The following KMT2E variants were observed in gnomAD, a reference collection of about 807,000 sequenced individuals.
KMT2E encodes lysine methyltransferase 2E (inactive), also known as histone reader KMT2E.
In KMT2E, 30 loss-of-function variants were observed where a neutral mutation model predicts 184.6. That is an observed-to-expected ratio of 0.16 (90% CI 0.12 to 0.22). KMT2E has a LOEUF of 0.22. KMT2E is among the 10% of genes least tolerant of loss of function. The probability of loss-of-function intolerance (pLI) is 1.00; values close to 1 mark genes in which losing one functional copy is unlikely to be tolerated. For missense variants in KMT2E, 2,023 were observed against 2,237.4 expected (o/e 0.90, Z 1.93); for synonymous variants, 815 against 776.5 (o/e 1.05, Z -0.82).
chr7:105,042,453 T>G (rs146104924), intron 3 of KMT2E, among the ~76,000 whole-genome samples: 1 of 152,364 alleles, frequency 6.6e-6, no homozygotes, highest in East Asian at 1.9e-4. Context: ...CTTTGAGCAA[T>G]GTGTTTTATA....
chr7:105,019,427 C>A (rs1794853913), intron 1 of KMT2E, among the ~76,000 whole-genome samples: 1 of 152,094 alleles, frequency 6.6e-6, no homozygotes. Flanking sequence ...TGGTTATTTA[C>A]CAAAACTATT....
intron 3 of KMT2E, among the ~76,000 whole-genome samples, chr7:105,047,684 T>C (rs1796164518): frequency 6.6e-6 from 1 of 152,270 alleles, no homozygotes; most frequent in African/African-American, 2.4e-5. Flanking sequence ...CTAACTTCCC[T>C]GAAGTCACGG....
intron 1 of KMT2E, among the ~76,000 whole-genome samples, chr7:105,025,093 C>T (rs1281245412): frequency 6.6e-6 from 1 of 152,042 alleles, no homozygotes; most frequent in Non-Finnish European, 1.5e-5. Context: ...GGCTTATTTA[C>T]CTCCAATTCT....
rs1797509534 is a variant in KMT2E, at chr7:105,075,960, A to C, written c.730-83A>C. 4 of 1,100,626 alleles carry C rather than the reference A, an allele frequency of 3.6e-6. 1 individual carries two copies. The South Asian group carries it at 5.5e-5, about 15-fold the overall frequency. The allele number at this position is 1,100,626 out of a possible 1,614,324, so 68.2% of individuals were successfully genotyped here. On this transcript the variant is annotated intron_variant, in intron 8 of 26. Coordinates refer to ENST00000311117, the MANE Select transcript of KMT2E (RefSeq NM_182931.3). ...TTTTTGTTATGACACTTCAGTTAAA[A>C]GTTTCAATGAACCAATTAATTCTTA...
chr7:105,073,490 GGGATTTT>G, intron 6 of KMT2E, 122 bp from the exon 7 acceptor site: 1 of 590,522 alleles, frequency 1.7e-6, no homozygotes. Flanking sequence ...TGTATTGCAA[GGGATTTT>G]GTATATATTT....
At chr7:105,035,619 G>C (rs987209313) in intron 1 of KMT2E, among the ~76,000 whole-genome samples, 3 of 151,634 alleles carry the variant, frequency 2.0e-5, no homozygotes, top group African/African-American at 7.3e-5. Flanking sequence ...TTTATTTTGA[G>C]ACAGAGAGTT....
intron 3 of KMT2E, among the ~76,000 whole-genome samples, chr7:105,058,882 A>G (rs1796680662): frequency 6.6e-6 from 1 of 152,174 alleles, no homozygotes; most frequent in Non-Finnish European, 1.5e-5. Flanking sequence ...TTTTGGATTC[A>G]GTGATTTTAG....
At chr7:105,043,217 A>G (rs562422261) in intron 3 of KMT2E, among the ~76,000 whole-genome samples, 2 of 150,910 alleles carry the variant, frequency 1.3e-5, no homozygotes, top group East Asian at 3.9e-4. Context: ...TTCAGTTCTA[A>G]CTTACTTAAA....
At chr7:105,034,222 C>CAAAGTCTTG (rs1795541605) in intron 1 of KMT2E, among the ~76,000 whole-genome samples, 1 of 152,106 alleles carries the variant, frequency 6.6e-6, no homozygotes, top group African/African-American at 2.4e-5. Context: ...AATGTCCTGA[C>CAAAGTCTTG]TAGTGTGTGT....
At chr7:105,111,035 T>A in intron 26 of KMT2E, 167 bp downstream of exon 26, 1 of 601,996 alleles carries the variant, frequency 1.7e-6, no homozygotes, top group South Asian at 2.1e-5. Flanking sequence ...TGTTTGTTCT[T>A]CTTACTGAAC....
At chr7:105,075,188 CTT>C (rs34014525) in intron 8 of KMT2E, among the ~76,000 whole-genome samples, 58 of 140,454 alleles carry the variant, frequency 4.1e-4, no homozygotes, top group Admixed American at 5.7e-4. Context: ...TCTTTGCCTC[CTT>C]TTTTTTTTTT....
chr7:105,064,090 C>A, intron 5 of KMT2E: 1 of 426,232 alleles, frequency 2.3e-6, no homozygotes. Context: ...GTTCAGCCAC[C>A]AAGAAAGGCC....
At chr7:105,059,178 G>A (rs934213936) in intron 3 of KMT2E, among the ~76,000 whole-genome samples, 3 of 152,164 alleles carry the variant, frequency 2.0e-5, no homozygotes, top group Non-Finnish European at 4.4e-5. Context: ...AGAAATTCAT[G>A]CTAGTTTTGC....
In KMT2E at chr7:105,110,469, A is replaced by G. The variant is rs900603274; in HGVS notation, c.3845-8A>G. The G allele has an allele frequency of 6.2e-7, 1 of 1,613,970 alleles. No homozygotes were observed. Among genetic ancestry groups the G allele is most frequent in the African/African-American group, 1.3e-5 (1 of 74,902 alleles). On this transcript the variant is annotated splice_region_variant and splice_polypyrimidine_tract_variant and intron_variant, in intron 24 of 26. Transcript: ENST00000311117. ...GTTCTCTTTGGGTCTGCTCTGCTTCATCTCTAGGGGGAGAATCACCATGTG... is the reference window on the plus strand; with the variant it reads ...GTTCTCTTTGGGTCTGCTCTGCTTCGTCTCTAGGGGGAGAATCACCATGTG...
intron 1 of KMT2E, among the ~76,000 whole-genome samples, chr7:105,021,143 T>A (rs924316992): frequency 6.6e-6 from 1 of 152,206 alleles, no homozygotes; most frequent in African/African-American, 2.4e-5. Flanking sequence ...TGTGACTAAT[T>A]TGAATGGTTA....
intron 1 of KMT2E, among the ~76,000 whole-genome samples, chr7:105,034,449 C>T (rs1028733717): frequency 6.6e-6 from 1 of 152,044 alleles, no homozygotes; most frequent in African/African-American, 2.4e-5. Context: ...CCAGGCTGTT[C>T]TGAAACTCCT....
Position 105,105,215 on chromosome 7 carries a change from C to A in KMT2E, c.2197-224C>A, listed in dbSNP as rs1798847499. 1.3e-5 allele frequency: 5 copies of A among 391,638 alleles called. No homozygotes were observed. In the East Asian group the frequency reaches 1.7e-4, roughly 13 times the overall value. The allele number at this position is 391,638 out of a possible 1,614,324, so 24.3% of individuals were successfully genotyped here. A position where few individuals can be genotyped will look rare whatever the true frequency, so the allele number is the denominator to read the frequency against. On this transcript the variant is annotated intron_variant, in intron 17 of 26. Transcript: ENST00000311117. The stretch of plus-strand genomic sequence containing the variant: ...TGTAATATAAATATTTAAAAAGCAA[C>A]CATATGTTTTGTTCTACAAAATAAT...
intron 1 of KMT2E, among the ~76,000 whole-genome samples, chr7:105,032,099 C>T (rs1021762717): frequency 2.5e-5 from 3 of 119,004 alleles, no homozygotes; most frequent in Non-Finnish European, 3.5e-5. Flanking sequence ...AAAAAAAAGG[C>T]TAAAAAGTAA....
chr7:105,101,005 A>G (rs768187661), intron 15 of KMT2E, among the ~76,000 whole-genome samples: 3 of 152,208 alleles, frequency 2.0e-5, no homozygotes, highest in Non-Finnish European at 4.4e-5. Context: ...CAGTATGCCA[A>G]TAATATACTC....
Sources: gnomAD v4.1 joint callset for allele counts (sites outside exome capture counted in the v4.1 genomes callset) on GRCh38, gnomAD v4.1.1 for gene constraint, MANE v1.5 for transcripts, NCBI Gene and HGNC (gene_info 2026-07-23, HGNC 2026-07-21) for gene names.